ZBBX: variants seen among roughly 807,000 people sequenced by gnomAD.
ZBBX encodes zinc finger B-box domain containing, also known as zinc finger B-box domain-containing protein 1.
Under a neutral mutation model 108.5 loss-of-function variants are expected in ZBBX, and 101 were observed. The ratio of observed to expected loss-of-function variants is 0.93; its 90% CI spans 0.79 to 1.10. The LOEUF is 1.10. ZBBX is among the 50% of genes least tolerant of loss of function. The pLI, the probability that ZBBX is intolerant of heterozygous loss-of-function variation, is 0.00. For missense variants in ZBBX, 1,009 were observed against 941.4 expected, an observed-to-expected ratio of 1.07 and a Z score of -0.94; for synonymous variants, 356 against 323.4, an observed-to-expected ratio of 1.10 and a Z score of -1.08.
At position 167,401,066 on chromosome 3, in the gene ZBBX, G is replaced by T. The variant is rs148474729; in HGVS notation, c.-446+6660C>A. Among the ~76,000 whole-genome samples, 519 of 152,158 alleles carry T rather than the reference G, an allele frequency of 3.4e-3. 2 individuals are homozygous for T. Among genetic ancestry groups the T allele is most frequent in the African/African-American group, 0.012 (481 of 41,532 alleles). On this transcript the variant is annotated intron_variant, in intron 1 of 21. Transcript: ENST00000455345. ...CTACCACTATTTATTGACACTAAAT[G>T]GATGAATAAAATGTGGTCCTTGGAC...
At chr3:167,302,549 T>A (rs900022706) in intron 17 of ZBBX, among the ~76,000 whole-genome samples, 6 of 151,888 alleles carry the variant, frequency 4.0e-5, no homozygotes, top group Admixed American at 6.6e-5. Context: ...ACACACACAC[T>A]ATCCACATTT....
intron 20 of ZBBX, among the ~76,000 whole-genome samples, chr3:167,268,394 C>T (rs1725944286): frequency 6.6e-6 from 1 of 151,882 alleles, no homozygotes; most frequent in African/African-American, 2.4e-5. Flanking sequence ...CCCTCCCAGT[C>T]AAGACGTTCC....
At chr3:167,182,528 A>G in the ZBBX span, among the ~76,000 whole-genome samples, 1 of 151,822 alleles carries the variant, frequency 6.6e-6, no homozygotes. Flanking sequence ...TCTAATGCAC[A>G]CTCCTCTAAG....
chr3:167,302,172 A>G lies in ZBBX; in HGVS notation c.1725+3471T>C, dbSNP rs552566275. 2.6e-5 allele frequency among the ~76,000 whole-genome samples: 4 copies of G among 152,260 alleles called. No homozygotes were observed. In the East Asian group the frequency reaches 7.7e-4, roughly 29 times the overall value. On this transcript the variant is annotated intron_variant, in intron 17 of 21. Transcript: ENST00000675490. ...TGTTCCATGTGTTCTTACAAAGAAC[A>G]CACATTCTCTAATTATTGAGTATGT... is the stretch of plus-strand genomic sequence containing the variant.
chr3:167,243,401 T>TC (rs1721014998), intron 20 of ZBBX, among the ~76,000 whole-genome samples: 1 of 151,808 alleles, frequency 6.6e-6, no homozygotes. Flanking sequence ...TTGCTATTCT[T>TC]CCCTTTTTTT....
At chr3:167,388,128 G>A (rs948921273) in intron 1 of ZBBX, among the ~76,000 whole-genome samples, 1 of 151,918 alleles carries the variant, frequency 6.6e-6, no homozygotes, top group Non-Finnish European at 1.5e-5. Flanking sequence ...CCTATTTTAG[G>A]TGGAATAGTC....
chr3:167,208,521 C>T, the ZBBX span, among the ~76,000 whole-genome samples: 1 of 152,180 alleles, frequency 6.6e-6, no homozygotes, highest in East Asian at 1.9e-4. Flanking sequence ...GGCCCTCATT[C>T]CAGGCCTTAG....
intron 8 of ZBBX, among the ~76,000 whole-genome samples, chr3:167,354,135 T>C (rs998290145): frequency 3.3e-5 from 5 of 152,112 alleles, no homozygotes; most frequent in Admixed American, 6.5e-5. Context: ...AAACCTATTT[T>C]ATAATAAATT....
intron 11 of ZBBX, among the ~76,000 whole-genome samples, chr3:167,324,169 G>C (rs976749521): frequency 5.3e-5 from 8 of 151,562 alleles, no homozygotes; most frequent in Non-Finnish European, 8.8e-5. Context: ...CTTTGTGATA[G>C]GCTCTCACAT....
intron 1 of ZBBX, among the ~76,000 whole-genome samples, chr3:167,395,495 C>G (rs1748207027): frequency 6.6e-6 from 1 of 151,940 alleles, no homozygotes; most frequent in Non-Finnish European, 1.5e-5. Flanking sequence ...AAGTGGAATC[C>G]TGGCTCCTCA....
At chr3:167,200,713 T>C in the ZBBX span, among the ~76,000 whole-genome samples, 3 of 151,694 alleles carry the variant, frequency 2.0e-5, no homozygotes, top group Non-Finnish European at 4.4e-5. Flanking sequence ...GAAAGAGAAG[T>C]AAATACGCTC....
chr3:167,252,689 T>C (rs1046961511), intron 20 of ZBBX, among the ~76,000 whole-genome samples: 1 of 152,094 alleles, frequency 6.6e-6, no homozygotes, highest in African/African-American at 2.4e-5. Context: ...CTACCAAGTG[T>C]GTGCTTGCTT....
chr3:167,240,593 A>T lies in ZBBX; in HGVS notation c.*200T>A. The T allele has an allele frequency of 2.2e-6, 1 of 464,560 alleles. No homozygotes were observed. The highest frequency in any genetic ancestry group is 3.8e-6 in the Non-Finnish European group (1 of 265,250). The allele number at this position is 464,560 out of a possible 1,614,324, so 28.8% of individuals were successfully genotyped here. A position where few individuals can be genotyped will look rare whatever the true frequency, so the allele number is the denominator to read the frequency against. On this transcript the variant is annotated 3_prime_UTR_variant, in exon 22 of 22. Coordinates refer to ENST00000675490, the MANE Select transcript of ZBBX (RefSeq NM_001199201.2). ...ACTAACATAATCTGCAATATAGATT[A>T]GTGGTTGACATATAATATATCATTG...
chr3:167,201,019 G>T, the ZBBX span, among the ~76,000 whole-genome samples: 1 of 152,156 alleles, frequency 6.6e-6, no homozygotes, highest in African/African-American at 2.4e-5. Context: ...GGGTAAGGAT[G>T]AATGAATCAC....
downstream of ZBBX, among the ~76,000 whole-genome samples, chr3:167,236,239 C>CT (rs1720226359): frequency 6.6e-6 from 1 of 151,614 alleles, no homozygotes; most frequent in Non-Finnish European, 1.5e-5. Context: ...TAAACACTGG[C>CT]TTTTTACATC....
At chr3:167,406,071 AAATT>A (rs1252543116) in intron 1 of ZBBX, among the ~76,000 whole-genome samples, 4 of 152,230 alleles carry the variant, frequency 2.6e-5, no homozygotes, top group Non-Finnish European at 5.9e-5. Context: ...TCTAAAAAAA[AAATT>A]AATAAATTCT....
the ZBBX span, among the ~76,000 whole-genome samples, chr3:167,184,362 C>A: frequency 6.6e-6 from 1 of 152,038 alleles, no homozygotes; most frequent in Admixed American, 6.6e-5. Context: ...TTATTCAAAC[C>A]TAGGCCAAAT....
chr3:167,252,992 T>C (rs1237499348), intron 20 of ZBBX, among the ~76,000 whole-genome samples: 1 of 152,226 alleles, frequency 6.6e-6, no homozygotes, highest in Non-Finnish European at 1.5e-5. Context: ...TGGCCTGTAA[T>C]GTAACAATTA....
At chr3:167,388,216 T>G (rs760199261) in intron 1 of ZBBX, among the ~76,000 whole-genome samples, 36 of 151,840 alleles carry the variant, frequency 2.4e-4, no homozygotes, top group Non-Finnish European at 4.7e-4. Flanking sequence ...CTGGAATGTT[T>G]CTAGAAGAGG....
Sources: gnomAD v4.1 joint callset for allele counts (sites outside exome capture counted in the v4.1 genomes callset) on GRCh38, gnomAD v4.1.1 for gene constraint, MANE v1.5 for transcripts, NCBI Gene and HGNC (gene_info 2026-07-23, HGNC 2026-07-21) for gene names.